The following CSMD1 variants were observed in gnomAD, a reference collection of about 807,000 sequenced individuals.
The protein encoded by CSMD1 is CUB and sushi domain-containing protein 1.
In CSMD1, 213 loss-of-function variants were observed where a neutral mutation model predicts 417.5. The observed-to-expected ratio is 0.51, with a 90% CI of 0.46 to 0.57. CSMD1 has a LOEUF of 0.57. Among genes scored for constraint, CSMD1 ranks in the 20% least tolerant of loss-of-function variants. The probability of loss-of-function intolerance (pLI) is 0.00; values close to 1 mark genes in which losing one functional copy is unlikely to be tolerated. For synonymous variants in CSMD1, 2,862 were observed against 1,736.8 expected, an observed-to-expected ratio of 1.65 and a Z score of -16.11; for missense variants, 6,923 against 4,529.7, an observed-to-expected ratio of 1.53 and a Z score of -15.17.
chr8:3,615,014 G>C (rs936853833), intron 8 of CSMD1, among the ~76,000 whole-genome samples: 1 of 152,110 alleles, frequency 6.6e-6, no homozygotes, highest in African/African-American at 2.4e-5. Context: ...TGGAAGAATG[G>C]GCAATTTTAT....
rs73501884 is a variant in CSMD1 at position 3,932,691 on chromosome 8, G to A, written c.818+65212C>T. Among the ~76,000 whole-genome samples the A allele has an allele frequency of 4.1e-3, 615 of 150,520 alleles. 33 individuals are homozygous for A. The highest frequency in any genetic ancestry group is 0.015 in the African/African-American group (597 of 40,856). ...GCCGGTCCAATAAACTCATAAGATCGTAATTCATTGTGGTGGACTCTAATG... is the reference window on the plus strand; with the variant it reads ...GCCGGTCCAATAAACTCATAAGATCATAATTCATTGTGGTGGACTCTAATG... On this transcript the variant is annotated intron_variant, in intron 5 of 69. Coordinates refer to ENST00000635120, the MANE Select transcript of CSMD1 (RefSeq NM_033225.6).
chr8:4,225,837 G>C (rs943946610), intron 3 of CSMD1, among the ~76,000 whole-genome samples: 1 of 152,052 alleles, frequency 6.6e-6, no homozygotes, highest in Non-Finnish European at 1.5e-5. Context: ...GGCACAATAT[G>C]ATCAGCCTAA....
chr8:3,469,788 G>A (rs1009778622), intron 11 of CSMD1, among the ~76,000 whole-genome samples: 9 of 152,148 alleles, frequency 5.9e-5, no homozygotes, highest in African/African-American at 2.2e-4. Flanking sequence ...AAGAACAACT[G>A]TCATTATATG....
intron 41 of CSMD1, among the ~76,000 whole-genome samples, chr8:3,119,412 A>C (rs1015716672): frequency 1.5e-5 from 2 of 136,546 alleles, no homozygotes; most frequent in African/African-American, 3.0e-5. Context: ...AAAAAAAAAA[A>C]CACTGTATAA....
chr8:3,709,652 C>A (rs1278171685), intron 6 of CSMD1, among the ~76,000 whole-genome samples: 1 of 130,034 alleles, frequency 7.7e-6, no homozygotes, highest in South Asian at 2.4e-4. Flanking sequence ...CTTCCTCCTG[C>A]CTGATGGGCT....
At chr8:3,011,212 C>G (rs998076915) in intron 52 of CSMD1, among the ~76,000 whole-genome samples, 3 of 152,056 alleles carry the variant, frequency 2.0e-5, no homozygotes, top group African/African-American at 7.2e-5. Context: ...GAGAAGTTTG[C>G]TAGTTATTCC....
rs1178856312 is a variant in CSMD1 at position 4,104,621 on chromosome 8, G to C, written c.416-72522C>G. Among the ~76,000 whole-genome samples, 6 of 152,118 alleles carry C rather than the reference G, an allele frequency of 3.9e-5. No homozygotes were observed. In the East Asian group the frequency reaches 5.8e-4, roughly 15 times the overall value. The stretch of plus-strand genomic sequence containing the variant: ...AGAACGGTCTGAATTAGAGTGTCTG[G>C]AATGAGGCTAGTTTGTCATACATGG... On this transcript the variant is annotated intron_variant, in intron 3 of 69. Transcript: ENST00000635120.
intron 2 of CSMD1, among the ~76,000 whole-genome samples, chr8:4,492,131 C>G (rs1450213520): frequency 6.6e-6 from 1 of 152,158 alleles, no homozygotes; most frequent in Non-Finnish European, 1.5e-5. Flanking sequence ...GGGTCTTACG[C>G]TATTGTCCAC....
chr8:3,486,673 C>A (rs900745147), intron 11 of CSMD1, among the ~76,000 whole-genome samples: 3 of 152,192 alleles, frequency 2.0e-5, no homozygotes, highest in Non-Finnish European at 4.4e-5. Context: ...CAGCAGCTGC[C>A]CTCGGGCTCC....
chr8:3,368,566 T>C (rs1585062800), intron 19 of CSMD1, among the ~76,000 whole-genome samples: 2 of 152,206 alleles, frequency 1.3e-5, no homozygotes, highest in Non-Finnish European at 2.9e-5. Flanking sequence ...CTGGAACTCC[T>C]GACCTCAGGT....
At chr8:3,402,918 T>C (rs1183522972) in intron 15 of CSMD1, among the ~76,000 whole-genome samples, 1 of 152,180 alleles carries the variant, frequency 6.6e-6, no homozygotes, top group Admixed American at 6.5e-5. Flanking sequence ...GATAGACATT[T>C]TCCTTGAAAC....
At chr8:2,969,807 G>T (rs113731440) in intron 57 of CSMD1, among the ~76,000 whole-genome samples, 1 of 151,990 alleles carries the variant, frequency 6.6e-6, no homozygotes, top group Non-Finnish European at 1.5e-5. Context: ...AATTTTTGCT[G>T]GTGTGTGTGT....
chr8:3,363,825 A>T (rs1161851459), intron 20 of CSMD1, among the ~76,000 whole-genome samples: 2 of 152,222 alleles, frequency 1.3e-5, no homozygotes, highest in African/African-American at 4.8e-5. Context: ...AGCGAGTGGG[A>T]AAGTAAGTGT....
At chr8:3,301,882 G>C (rs1051201749) in intron 25 of CSMD1, among the ~76,000 whole-genome samples, 1 of 152,116 alleles carries the variant, frequency 6.6e-6, no homozygotes, top group African/African-American at 2.4e-5. Context: ...TGGATAAGAA[G>C]AAAGGAAACA....
At chr8:3,835,418 G>C (rs1207486108) in intron 5 of CSMD1, among the ~76,000 whole-genome samples, 1 of 151,950 alleles carries the variant, frequency 6.6e-6, no homozygotes, top group Non-Finnish European at 1.5e-5. Context: ...GTCCTTTGTA[G>C]GGACATGGAT....
At chr8:3,749,932 G>A (rs549324775) in intron 6 of CSMD1, among the ~76,000 whole-genome samples, 1 of 152,116 alleles carries the variant, frequency 6.6e-6, no homozygotes, top group East Asian at 1.9e-4. Context: ...TCTGTTGGAC[G>A]CATGCCTGAA....
intron 6 of CSMD1, among the ~76,000 whole-genome samples, chr8:3,748,687 C>G (rs190752009): frequency 4.6e-5 from 7 of 152,278 alleles, no homozygotes; most frequent in African/African-American, 1.7e-4. Context: ...GGAATGCATA[C>G]GTTTTATCCA....
chr8:3,429,098 A>G (rs1477789474), intron 12 of CSMD1, among the ~76,000 whole-genome samples: 2 of 152,176 alleles, frequency 1.3e-5, no homozygotes, highest in East Asian at 1.9e-4. Flanking sequence ...GGTAGAAGTA[A>G]GAAGTTCTTG....
At chr8:4,700,919 G>C (rs968009310) in intron 1 of CSMD1, among the ~76,000 whole-genome samples, 5 of 152,152 alleles carry the variant, frequency 3.3e-5, no homozygotes, top group African/African-American at 1.2e-4. Context: ...TTTCAGAGGA[G>C]CAGAGAACAC....
Sources: allele counts gnomAD v4.1 joint callset (sites outside exome capture counted in the v4.1 genomes callset), GRCh38; gene constraint gnomAD v4.1.1; transcripts MANE v1.5; gene names NCBI Gene and HGNC (gene_info 2026-07-23, HGNC 2026-07-21).